Variants in STARD13 observed in about 807,000 individuals in gnomAD.
The protein encoded by STARD13 is stAR-related lipid transfer protein 13.
A neutral mutation model predicts 106.4 loss-of-function variants in STARD13; 62 were observed. The observed-to-expected ratio is 0.58, with a 90% CI of 0.48 to 0.72. STARD13 has a LOEUF of 0.72. Ranked by LOEUF, STARD13 falls within the 30% of genes least tolerant of loss-of-function variation. The pLI is 0.00. For synonymous variants in STARD13, 565 were observed against 553.0 expected (o/e 1.02, Z -0.31); for missense variants, 1,387 against 1,424.0 (o/e 0.97, Z 0.42).
chr13:33,511,157 C>CA, the STARD13 span, among the ~76,000 whole-genome samples: 1 of 151,854 alleles, frequency 6.6e-6, no homozygotes, highest in African/African-American at 2.4e-5. Flanking sequence ...ACTCAAAATA[C>CA]AAAAAATTAG....
the STARD13 span, among the ~76,000 whole-genome samples, chr13:33,600,114 A>G: frequency 6.6e-6 from 1 of 152,214 alleles, no homozygotes; most frequent in Admixed American, 6.5e-5. Flanking sequence ...GCTAAAAACC[A>G]GAGCCTGTAT....
chr13:33,641,847 C>T, the STARD13 span, among the ~76,000 whole-genome samples: 1 of 152,090 alleles, frequency 6.6e-6, no homozygotes, highest in African/African-American at 2.4e-5. Flanking sequence ...CTACTCTGTC[C>T]CATACAAACT....
intron 10 of STARD13, 77 bp from the exon 11 acceptor site, chr13:33,110,984 C>A: frequency 7.5e-7 from 1 of 1,336,398 alleles, no homozygotes; most frequent in Middle Eastern, 2.6e-4. Flanking sequence ...AAAGCCATTT[C>A]ACCCACAACC....
At chr13:33,542,198 C>A in the STARD13 span, among the ~76,000 whole-genome samples, 2 of 152,160 alleles carry the variant, frequency 1.3e-5, no homozygotes, top group African/African-American at 4.8e-5. Flanking sequence ...ACACCCCTAC[C>A]TTCTCAGAAT....
At chr13:33,505,389 T>A in the STARD13 span, among the ~76,000 whole-genome samples, 3 of 152,152 alleles carry the variant, frequency 2.0e-5, no homozygotes, top group African/African-American at 7.2e-5. Context: ...CATATAGAAT[T>A]AACTCACATT....
At chr13:33,557,394 C>A in the STARD13 span, among the ~76,000 whole-genome samples, 1 of 152,092 alleles carries the variant, frequency 6.6e-6, no homozygotes, top group Admixed American at 6.6e-5. Flanking sequence ...GGAAAAAAAT[C>A]TCCTCTTGAA....
the STARD13 span, among the ~76,000 whole-genome samples, chr13:33,383,952 G>T: frequency 6.6e-6 from 1 of 152,002 alleles, no homozygotes; most frequent in African/African-American, 2.4e-5. Context: ...ATACAGCAGG[G>T]AGCTCGTTCA....
chr13:33,516,956 AAG>A, the STARD13 span, among the ~76,000 whole-genome samples: 1 of 151,646 alleles, frequency 6.6e-6, no homozygotes, highest in Non-Finnish European at 1.5e-5. Flanking sequence ...AAAAAAAAAA[AAG>A]GAGGGAGAAG....
At chr13:33,598,592 A>G in the STARD13 span, among the ~76,000 whole-genome samples, 2 of 152,274 alleles carry the variant, frequency 1.3e-5, no homozygotes, top group African/African-American at 2.4e-5. Flanking sequence ...AATTTCCATC[A>G]GTAACTCTCC....
At chr13:33,433,569 C>T in the STARD13 span, among the ~76,000 whole-genome samples, 1 of 152,118 alleles carries the variant, frequency 6.6e-6, no homozygotes, top group Non-Finnish European at 1.5e-5. Flanking sequence ...GCGGAGGGGC[C>T]CCTTCAGTAT....
At chr13:33,323,897 G>A (rs1284493504) in intron 1 of STARD13, among the ~76,000 whole-genome samples, 2 of 152,116 alleles carry the variant, frequency 1.3e-5, no homozygotes, top group Non-Finnish European at 1.5e-5. Flanking sequence ...ACAAAAACAC[G>A]AAACACACCG....
the STARD13 span, among the ~76,000 whole-genome samples, chr13:33,487,475 A>ATT: frequency 2.6e-5 from 4 of 152,196 alleles, no homozygotes; most frequent in African/African-American, 9.7e-5. Context: ...TAGTCTGTGA[A>ATT]AAGAAAAGAA....
At chr13:33,161,336 A>G (rs554729365) in intron 3 of STARD13, among the ~76,000 whole-genome samples, 23 of 150,642 alleles carry the variant, frequency 1.5e-4, no homozygotes, top group Non-Finnish European at 2.7e-4. Flanking sequence ...TTTTTTTGAG[A>G]CAGAGTCCTG....
the STARD13 span, among the ~76,000 whole-genome samples, chr13:33,434,897 G>GGAAA: frequency 2.3e-5 from 2 of 88,252 alleles, no homozygotes; most frequent in Non-Finnish European, 4.8e-5. Context: ...AAGGAAAGAA[G>GGAAA]GAAGGAAGGA....
intron 1 of STARD13, among the ~76,000 whole-genome samples, chr13:33,182,517 C>T (rs560083744): frequency 8.5e-5 from 13 of 152,218 alleles, no homozygotes; most frequent in South Asian, 2.1e-4. Flanking sequence ...TTGGCTTCCC[C>T]GGACCACATT....
chr13:33,470,684 G>T, the STARD13 span, among the ~76,000 whole-genome samples: 2 of 152,114 alleles, frequency 1.3e-5, no homozygotes, highest in East Asian at 3.8e-4. Context: ...GTGATGATGA[G>T]CCTTTTTTCA....
At chr13:33,378,748 C>T in the STARD13 span, among the ~76,000 whole-genome samples, 2 of 150,870 alleles carry the variant, frequency 1.3e-5, no homozygotes, top group East Asian at 1.9e-4. Flanking sequence ...TGAGATGGCA[C>T]CACTGCACTC....
chr13:33,329,478 C>T (rs1256964922), intron 1 of STARD13, among the ~76,000 whole-genome samples: 1 of 152,072 alleles, frequency 6.6e-6, no homozygotes, highest in African/African-American at 2.4e-5. Flanking sequence ...CTACTTTCTA[C>T]TTCTATAGTT....
intron 1 of STARD13, among the ~76,000 whole-genome samples, chr13:33,305,435 A>G (rs1043749142): frequency 2.0e-5 from 3 of 152,246 alleles, no homozygotes; most frequent in African/African-American, 7.2e-5. Flanking sequence ...CACTTTATAC[A>G]GAATAAGCAT....
Sources: allele counts gnomAD v4.1 joint callset (sites outside exome capture counted in the v4.1 genomes callset), GRCh38; gene constraint gnomAD v4.1.1; transcripts MANE v1.5; gene names NCBI Gene and HGNC (gene_info 2026-07-23, HGNC 2026-07-21).